NRXN3: variants seen among roughly 807,000 people sequenced by gnomAD.
NRXN3 encodes the protein neurexin III.
NRXN3 carries 32 observed loss-of-function variants against 137.6 expected under a neutral mutation model. The ratio of observed to expected loss-of-function variants is 0.23; its 90% CI spans 0.18 to 0.31. NRXN3 has a LOEUF of 0.31. Among genes scored for constraint, NRXN3 ranks in the 10% least tolerant of loss-of-function variants. NRXN3 has a pLI of 1.00. For missense variants in NRXN3, 1,574 were observed against 2,062.5 expected (o/e 0.76, Z 4.59); for synonymous variants, 798 against 784.5 (o/e 1.02, Z -0.29).
At chr14:79,227,731 TCC>T in intron 15 of NRXN3, among the ~76,000 whole-genome samples, 1 of 148,776 alleles carries the variant, frequency 6.7e-6, no homozygotes, top group East Asian at 2.0e-4. Context: ...TCTCTCTCTC[TCC>T]TTTCTCTCCT....
At chr14:78,545,596 A>G (rs1282031590) in intron 4 of NRXN3, among the ~76,000 whole-genome samples, 2 of 152,164 alleles carry the variant, frequency 1.3e-5, no homozygotes, top group Non-Finnish European at 2.9e-5. Context: ...CTTATTTTGC[A>G]TCTTGATTTT....
intron 16 of NRXN3, among the ~76,000 whole-genome samples, chr14:79,618,144 T>C (rs1172099797): frequency 6.6e-6 from 1 of 152,122 alleles, no homozygotes; most frequent in African/African-American, 2.4e-5. Context: ...TTACCAGAAA[T>C]ATTTCTGACC....
chr14:79,088,846 T>C (rs2048630432), intron 15 of NRXN3, among the ~76,000 whole-genome samples: 1 of 152,196 alleles, frequency 6.6e-6, no homozygotes, highest in African/African-American at 2.4e-5. Context: ...ACAGCACAAC[T>C]ATTTAATTTT....
At chr14:78,496,704 G>C (rs1228530785) in intron 4 of NRXN3, among the ~76,000 whole-genome samples, 1 of 152,046 alleles carries the variant, frequency 6.6e-6, no homozygotes, top group African/African-American at 2.4e-5. Context: ...AAGCTGAGCA[G>C]GGTAAGAGGA....
chr14:79,228,524 T>C (rs2071500349), intron 15 of NRXN3, among the ~76,000 whole-genome samples: 1 of 152,182 alleles, frequency 6.6e-6, no homozygotes, highest in African/African-American at 2.4e-5. Flanking sequence ...AATAGCTTCC[T>C]ACCTGACAGA....
intron 15 of NRXN3, among the ~76,000 whole-genome samples, chr14:79,042,291 A>G (rs1460720991): frequency 6.6e-6 from 1 of 152,218 alleles, no homozygotes; most frequent in East Asian, 1.9e-4. Flanking sequence ...TTTCTCCATT[A>G]AGCAGTAAAC....
At chr14:78,963,307 C>A (rs149308991) in intron 11 of NRXN3, among the ~76,000 whole-genome samples, 1 of 152,166 alleles carries the variant, frequency 6.6e-6, no homozygotes, top group South Asian at 2.1e-4. Flanking sequence ...CCTTTTGGAA[C>A]CTCAATCTTC....
At chr14:78,653,710 T>TACACACACACACACACAC (rs10650669) in intron 6 of NRXN3, among the ~76,000 whole-genome samples, 2,706 of 142,932 alleles carry the variant, frequency 0.019, 41 homozygotes, top group East Asian at 0.038. Flanking sequence ...GAAAATAAAA[T>TACACACACACACACACAC]ACACACACAC....
At chr14:78,413,666 A>G (rs2092965626) in intron 4 of NRXN3, among the ~76,000 whole-genome samples, 1 of 152,178 alleles carries the variant, frequency 6.6e-6, no homozygotes, top group Non-Finnish European at 1.5e-5. Flanking sequence ...AGTGGCTCCC[A>G]TTAGCTAAAG....
intron 4 of NRXN3, among the ~76,000 whole-genome samples, chr14:78,548,771 G>A (rs146298835): frequency 7.2e-4 from 110 of 152,008 alleles, no homozygotes; most frequent in Middle Eastern, 6.8e-3. Flanking sequence ...ATTCTGATTC[G>A]CCCTGTAGGG....
chr14:78,829,391 G>A (rs2098975716), intron 10 of NRXN3, among the ~76,000 whole-genome samples: 1 of 152,140 alleles, frequency 6.6e-6, no homozygotes, highest in Non-Finnish European at 1.5e-5. Context: ...AACCATATTT[G>A]AAGAAATGAT....
At chr14:79,393,355 A>G (rs192714612) in intron 15 of NRXN3, among the ~76,000 whole-genome samples, 2 of 152,354 alleles carry the variant, frequency 1.3e-5, no homozygotes, top group Admixed American at 6.5e-5. Flanking sequence ...AGACAAGGAC[A>G]GCAAAATGGA....
chr14:79,060,697 G>A (rs1566675), intron 15 of NRXN3, among the ~76,000 whole-genome samples: 76,404 of 151,992 alleles, frequency 0.5, 22,408 homozygotes, highest in East Asian at 0.78. Flanking sequence ...TAACTTCTCC[G>A]TGTCTCAGCT....
intron 19 of NRXN3, among the ~76,000 whole-genome samples, chr14:79,737,112 T>C (rs1309676127): frequency 2.0e-5 from 3 of 152,250 alleles, no homozygotes. Flanking sequence ...ATTATTCCTT[T>C]CCTCAAAGAC....
intron 6 of NRXN3, among the ~76,000 whole-genome samples, chr14:78,663,743 G>A (rs1236223543): frequency 6.6e-6 from 1 of 151,780 alleles, no homozygotes; most frequent in Non-Finnish European, 1.5e-5. Flanking sequence ...AAATTCAGTG[G>A]AACTCATTGC....
At chr14:79,350,689 A>G (rs2093162497) in intron 15 of NRXN3, among the ~76,000 whole-genome samples, 1 of 152,076 alleles carries the variant, frequency 6.6e-6, no homozygotes, top group South Asian at 2.1e-4. Flanking sequence ...GAAGCCGATT[A>G]AGTATTGATA....
intron 15 of NRXN3, among the ~76,000 whole-genome samples, chr14:79,338,500 G>C (rs1299660311): frequency 6.6e-6 from 1 of 152,100 alleles, no homozygotes; most frequent in African/African-American, 2.4e-5. Flanking sequence ...AATCCCACAG[G>C]TCTGGAATGA....
At chr14:79,106,858 AAAC>A (rs1398996385) in intron 15 of NRXN3, among the ~76,000 whole-genome samples, 1 of 152,160 alleles carries the variant, frequency 6.6e-6, no homozygotes, top group Non-Finnish European at 1.5e-5. Context: ...TTTAAAATGA[AAAC>A]AACCAGTTAA....
intron 4 of NRXN3, among the ~76,000 whole-genome samples, chr14:78,424,333 G>T (rs562825720): frequency 1.0e-3 from 152 of 152,268 alleles, no homozygotes; most frequent in Non-Finnish European, 1.8e-3. Flanking sequence ...CTCAGTCCCT[G>T]GGCCTTCCCC....
Sources: gnomAD v4.1 joint callset for allele counts (sites outside exome capture counted in the v4.1 genomes callset) on GRCh38, gnomAD v4.1.1 for gene constraint, MANE v1.5 for transcripts, NCBI Gene and HGNC (gene_info 2026-07-23, HGNC 2026-07-21) for gene names.